DCC: variants seen among roughly 807,000 people sequenced by gnomAD.
DCC encodes DCC netrin 1 receptor.
A neutral mutation model predicts 172.5 loss-of-function variants in DCC; 58 were observed. The ratio of observed to expected loss-of-function variants is 0.34; its 90% CI spans 0.27 to 0.42. The LOEUF (loss-of-function observed/expected upper bound fraction) is 0.42. DCC is among the 10% of genes least tolerant of loss of function. The pLI, the probability that DCC is intolerant of heterozygous loss-of-function variation, is 1.00. For missense variants in DCC, 1,740 were observed against 1,791.0 expected, an observed-to-expected ratio of 0.97 and a Z score of 0.51; for synonymous variants, 709 against 644.5, an observed-to-expected ratio of 1.10 and a Z score of -1.52.
intron 7 of DCC, among the ~76,000 whole-genome samples, chr18:53,142,707 A>G (rs1197709038): frequency 6.6e-6 from 1 of 152,216 alleles, no homozygotes; most frequent in African/African-American, 2.4e-5. Context: ...AACGTCTCAC[A>G]TGACTGTGTA....
chr18:53,046,987 G>A (rs1040601053), intron 5 of DCC, among the ~76,000 whole-genome samples: 1 of 151,166 alleles, frequency 6.6e-6, no homozygotes, highest in Non-Finnish European at 1.5e-5. Context: ...CCGAATTTGA[G>A]GTAGAAAACA....
intron 26 of DCC, among the ~76,000 whole-genome samples, chr18:53,489,389 T>A (rs2045936642): frequency 6.6e-6 from 1 of 152,190 alleles, no homozygotes; most frequent in Non-Finnish European, 1.5e-5. Flanking sequence ...AAACTAAATA[T>A]TCTCTAAATC....
intron 12 of DCC, among the ~76,000 whole-genome samples, chr18:53,218,960 T>A (rs951779131): frequency 1.3e-5 from 2 of 152,160 alleles, no homozygotes; most frequent in Non-Finnish European, 2.9e-5. Context: ...TGTTTCAATC[T>A]AAAAGTTCTG....
At chr18:53,518,001 C>T (rs2046357847) in intron 27 of DCC, among the ~76,000 whole-genome samples, 1 of 152,098 alleles carries the variant, frequency 6.6e-6, no homozygotes, top group Admixed American at 6.6e-5. Context: ...TCTTTTATTT[C>T]TCCCATGCCC....
chr18:52,507,489 G>T (rs62081285), intron 1 of DCC, among the ~76,000 whole-genome samples: 8,814 of 152,222 alleles, frequency 0.058, 328 homozygotes, highest in Middle Eastern at 0.11. Context: ...ATCAGAGATA[G>T]TCCTGTAAGA....
intron 1 of DCC, among the ~76,000 whole-genome samples, chr18:52,533,119 G>A (rs1159009686): frequency 6.6e-6 from 1 of 152,016 alleles, no homozygotes; most frequent in African/African-American, 2.4e-5. Context: ...TTACAGAGAG[G>A]TCATATGTAC....
chr18:52,843,349 A>G (rs1442379722), intron 2 of DCC, among the ~76,000 whole-genome samples: 1 of 152,124 alleles, frequency 6.6e-6, no homozygotes, highest in Non-Finnish European at 1.5e-5. Flanking sequence ...AGAAGATGAC[A>G]TCTATACCTA....
rs200984363 is a variant in DCC, at chr18:53,321,697, G to C, written c.2054-350G>C. 1.6e-4 allele frequency among the ~76,000 whole-genome samples: 24 copies of C among 152,170 alleles called. 2 individuals carry two copies. In the East Asian group the frequency reaches 4.2e-3, roughly 27 times the overall value. ...GGAGACATAAATTTTTAGATTGACT[G>C]TTCTTGATTTATAGACGTGGATCTT... On this transcript the variant is annotated intron_variant, in intron 13 of 28. Coordinates refer to ENST00000442544, the MANE Select transcript of DCC (RefSeq NM_005215.4).
rs71175563 is a variant in DCC, at chr18:53,173,330, AG to A, written c.1419-5630del. On this transcript the variant is annotated intron_variant, in intron 8 of 28. Coordinates refer to ENST00000442544, the MANE Select transcript of DCC (RefSeq NM_005215.4). ...ACTTCTAAAAGAATGCCTAAACCTC[AG>A]GCTATATCCAGATTCATACAGGGTG... Among the ~76,000 whole-genome samples, 155 of 152,206 alleles carry A rather than the reference AG, an allele frequency of 1.0e-3. 1 individual carries two copies. The highest frequency in any genetic ancestry group is 3.6e-3 in the African/African-American group (149 of 41,540).
chr18:52,391,396 C>T (rs1003511205), intron 1 of DCC, among the ~76,000 whole-genome samples: 1 of 152,124 alleles, frequency 6.6e-6, no homozygotes, highest in African/African-American at 2.4e-5. Flanking sequence ...TTATTTTCCT[C>T]TAATTTCTGG....
intron 22 of DCC, among the ~76,000 whole-genome samples, chr18:53,445,310 A>G (rs190345333): frequency 7.2e-5 from 11 of 152,384 alleles, no homozygotes; most frequent in Admixed American, 7.2e-4. Context: ...TTATAAAGCC[A>G]TTATCAGGGT....
intron 1 of DCC, among the ~76,000 whole-genome samples, chr18:52,433,150 T>C (rs1202718554): frequency 6.6e-6 from 1 of 152,188 alleles, no homozygotes. Context: ...TTGAGAGCTG[T>C]ATATTTAGGA....
chr18:52,787,910 C>T (rs2037688927), intron 2 of DCC, among the ~76,000 whole-genome samples: 1 of 152,018 alleles, frequency 6.6e-6, no homozygotes, highest in South Asian at 2.1e-4. Context: ...AATGTTAACC[C>T]CAATGTTTAA....
chr18:52,819,037 G>GT (rs1195863244), intron 2 of DCC, among the ~76,000 whole-genome samples: 1 of 152,166 alleles, frequency 6.6e-6, no homozygotes, highest in Non-Finnish European at 1.5e-5. Flanking sequence ...AACTGGAGGG[G>GT]TTACAAAAGA....
intron 1 of DCC, among the ~76,000 whole-genome samples, chr18:52,581,878 C>G (rs2033558369): frequency 6.6e-6 from 1 of 152,102 alleles, no homozygotes; most frequent in Non-Finnish European, 1.5e-5. Context: ...CTCCTATGGC[C>G]AGAAATTAAT....
intron 1 of DCC, among the ~76,000 whole-genome samples, chr18:52,352,101 C>T (rs997796334): frequency 3.9e-5 from 6 of 152,180 alleles, no homozygotes; most frequent in African/African-American, 1.4e-4. Flanking sequence ...CAAAATCAAC[C>T]TCTGCTTCCC....
intron 1 of DCC, among the ~76,000 whole-genome samples, chr18:52,620,358 T>G (rs2034456467): frequency 6.6e-6 from 1 of 152,230 alleles, no homozygotes; most frequent in African/African-American, 2.4e-5. Context: ...TTGGTTTTGC[T>G]GCAGACCATA....
intron 9 of DCC, among the ~76,000 whole-genome samples, chr18:53,184,901 C>A (rs190005327): frequency 3.9e-4 from 60 of 152,246 alleles, no homozygotes; most frequent in African/African-American, 1.4e-3. Flanking sequence ...CTCTGTCTAG[C>A]TCATTACTTT....
At chr18:52,754,665 C>A (rs939431245) in intron 2 of DCC, among the ~76,000 whole-genome samples, 11 of 152,174 alleles carry the variant, frequency 7.2e-5, no homozygotes, top group African/African-American at 2.7e-4. Flanking sequence ...GTGATAGCCA[C>A]CCAAACTGAT....
Sources: gnomAD v4.1 joint callset for allele counts (sites outside exome capture counted in the v4.1 genomes callset) on GRCh38, gnomAD v4.1.1 for gene constraint, MANE v1.5 for transcripts, NCBI Gene and HGNC (gene_info 2026-07-23, HGNC 2026-07-21) for gene names.